The following MALRD1 variants were observed in gnomAD, a reference collection of about 807,000 sequenced individuals.
The protein encoded by MALRD1 is MAM and LDL-receptor class A domain-containing protein 1.
MALRD1 carries 247 observed loss-of-function variants against 242.1 expected under a neutral mutation model. The ratio of observed to expected loss-of-function variants is 1.02; its 90% CI spans 0.92 to 1.13. The LOEUF is 1.13. Among genes scored for constraint, MALRD1 ranks in the 50% most tolerant of loss-of-function variants. The pLI is 0.00. For synonymous variants in MALRD1, 995 were observed against 866.6 expected (o/e 1.15, Z -2.60); for missense variants, 2,989 against 2,533.1 (o/e 1.18, Z -3.86).
At chr10:19,087,659 G>C (rs986016837) in intron 2 of MALRD1, among the ~76,000 whole-genome samples, 181 bp from the exon 3 acceptor site, 3 of 151,364 alleles carry the variant, frequency 2.0e-5, no homozygotes, top group Non-Finnish European at 4.4e-5. Flanking sequence ...TGGAGAATGG[G>C]GTATCCATCC....
At chr10:19,386,273 T>TC (rs971178614) in intron 26 of MALRD1, among the ~76,000 whole-genome samples, 5 of 152,070 alleles carry the variant, frequency 3.3e-5, no homozygotes, top group African/African-American at 1.2e-4. Context: ...CTGAACTTCA[T>TC]CCCCTACCTC....
chr10:19,353,125 G>C (rs1288750599), intron 26 of MALRD1, among the ~76,000 whole-genome samples: 1 of 151,856 alleles, frequency 6.6e-6, no homozygotes, highest in Admixed American at 6.6e-5. Context: ...TCCCGCCTCA[G>C]CCTCCTGAAT....
intron 36 of MALRD1, among the ~76,000 whole-genome samples, chr10:19,617,564 T>A (rs1839216345): frequency 6.6e-6 from 1 of 151,982 alleles, no homozygotes; most frequent in Non-Finnish European, 1.5e-5. Context: ...AATTACGTAC[T>A]AAAAAAGTAA....
At chr10:19,560,049 A>G (rs533891128) in intron 32 of MALRD1, among the ~76,000 whole-genome samples, 1 of 152,234 alleles carries the variant, frequency 6.6e-6, no homozygotes, top group Non-Finnish European at 1.5e-5. Flanking sequence ...AGGAGTGTAA[A>G]TTAGTTCAAC....
chr10:19,123,512 G>A lies in MALRD1; in HGVS notation c.715G>A (p.Glu239Lys). Reference sequence around the variant, plus strand: ...AACAGATGGAATTTTACTGTGTCAAGAAGCATTGAATGCTGAGCGGGAGCT... The same window carrying A: ...AACAGATGGAATTTTACTGTGTCAAAAAGCATTGAATGCTGAGCGGGAGCT... ...PANDGILLCQ[E>K]ALNAERELCH... Residue 239 changes from glutamate (E) to lysine (K), a missense_variant, in exon 6 of 40, where the codon GAA (glutamate) becomes AAA (lysine). By Grantham distance (56) the Glu-to-Lys change is moderately conservative. Transcript: ENST00000454679. The A allele has an allele frequency of 1.6e-6, 2 of 1,233,576 alleles. No individual in the cohort carries two copies. The highest frequency in any genetic ancestry group is 2.0e-6 in the Non-Finnish European group (2 of 987,850). The allele number at this position is 1,233,576 out of a possible 1,614,324, so 76.4% of individuals were successfully genotyped here. A position where few individuals can be genotyped will look rare whatever the true frequency, so the allele number is the denominator to read the frequency against.
At chr10:19,647,777 A>G (rs2131696738) in intron 36 of MALRD1, among the ~76,000 whole-genome samples, 1 of 152,306 alleles carries the variant, frequency 6.6e-6, no homozygotes, top group Non-Finnish European at 1.5e-5. Flanking sequence ...TTTTGTTTCC[A>G]GCTATTGTGG....
intron 36 of MALRD1, among the ~76,000 whole-genome samples, chr10:19,657,482 C>T (rs1056212583): frequency 7.2e-5 from 11 of 152,036 alleles, no homozygotes; most frequent in African/African-American, 1.7e-4. Context: ...AGGAGCCCTC[C>T]CTACATACTG....
chr10:19,319,748 A>C (rs551365573), intron 21 of MALRD1, among the ~76,000 whole-genome samples: 1 of 151,880 alleles, frequency 6.6e-6, no homozygotes, highest in Non-Finnish European at 1.5e-5. Context: ...TAAGAGCACT[A>C]ATCTCATTAA....
chr10:19,593,589 C>T (rs1045044341), intron 33 of MALRD1, among the ~76,000 whole-genome samples: 2 of 152,274 alleles, frequency 1.3e-5, no homozygotes, highest in Admixed American at 6.5e-5. Context: ...ATGAGTCCCT[C>T]GTTAACTAGC....
chr10:19,201,441 C>A (rs1471804001), intron 14 of MALRD1, among the ~76,000 whole-genome samples: 20 of 152,182 alleles, frequency 1.3e-4, no homozygotes, highest in Non-Finnish European at 2.5e-4. Flanking sequence ...ATAGCAATAT[C>A]TCCCTGGATA....
chr10:19,122,561 T>G (rs545378179), intron 5 of MALRD1, among the ~76,000 whole-genome samples: 1 of 152,186 alleles, frequency 6.6e-6, no homozygotes, highest in South Asian at 2.1e-4. Context: ...TAGGTGATTG[T>G]AACAAGCTGG....
intron 36 of MALRD1, among the ~76,000 whole-genome samples, chr10:19,661,488 A>G (rs1220693564): frequency 6.6e-6 from 1 of 152,190 alleles, no homozygotes; most frequent in Non-Finnish European, 1.5e-5. Flanking sequence ...CTTTGTAGGG[A>G]CATGGATGAA....
At chr10:19,065,834 C>T (rs981398771) in intron 1 of MALRD1, among the ~76,000 whole-genome samples, 2 of 152,062 alleles carry the variant, frequency 1.3e-5, no homozygotes, top group Non-Finnish European at 2.9e-5. Flanking sequence ...AATGATGAGG[C>T]GCTGTATTTA....
In MALRD1 at chr10:19,310,702, A is replaced by C. The variant is rs929272017; in HGVS notation, c.3420-13247A>C. On this transcript the variant is annotated intron_variant, in intron 21 of 39. Coordinates refer to ENST00000454679, the MANE Select transcript of MALRD1 (RefSeq NM_001142308.3). Reference sequence around the variant, plus strand: ...GCCTACTTCTCTTATCCATGCAATTAATCCATCTGTTCTTCCAATATGACT... The same window carrying C: ...GCCTACTTCTCTTATCCATGCAATTCATCCATCTGTTCTTCCAATATGACT... 2.2e-4 allele frequency among the ~76,000 whole-genome samples: 34 copies of C among 151,478 alleles called. 1 individual carries two copies. Among genetic ancestry groups the C allele is most frequent in the Non-Finnish European group, 8.9e-5 (6 of 67,676 alleles).
rs1380830959 is a variant in MALRD1 at position 19,323,990 on chromosome 10, A to G, written c.3461A>G (p.Asn1154Ser). 13 of 1,550,712 alleles carry G rather than the reference A, an allele frequency of 8.4e-6. No homozygotes were observed. The African/African-American group carries it at 1.1e-4, about 13-fold the overall frequency. The stretch of plus-strand genomic sequence containing the variant: ...TGGTACCTGTATGCTGACAGTTCTA[A>G]TGGGAAATTTGGTGACACGGCTGAC... ...DGWYLYADSS[N>S]GKFGDTADIL... The change falls in exon 22 of 40, where the codon AAT becomes AGT. Residue 1154 changes from asparagine to serine, a missense_variant. Physicochemically the swap from Asn to Ser is conservative, Grantham distance 46. Transcript: ENST00000454679.
At chr10:19,412,297 A>G (rs1243093956) in intron 28 of MALRD1, among the ~76,000 whole-genome samples, 3 of 152,244 alleles carry the variant, frequency 2.0e-5, no homozygotes, top group Admixed American at 2.0e-4. Flanking sequence ...TCTCAAATAC[A>G]TAAATACAAG....
intron 29 of MALRD1, among the ~76,000 whole-genome samples, chr10:19,487,668 A>T (rs1246776635): frequency 6.6e-6 from 1 of 152,146 alleles, no homozygotes; most frequent in Non-Finnish European, 1.5e-5. Context: ...ATATGGAAAA[A>T]ATGTCCACAT....
At chr10:19,152,177 C>T (rs982308381) in intron 11 of MALRD1, among the ~76,000 whole-genome samples, 5 of 152,106 alleles carry the variant, frequency 3.3e-5, no homozygotes, top group Non-Finnish European at 5.9e-5. Flanking sequence ...CAGAAGTAAA[C>T]TCCTTGCCAT....
intron 12 of MALRD1, among the ~76,000 whole-genome samples, chr10:19,165,427 C>T (rs35065389): frequency 0.19 from 28,578 of 151,010 alleles, 3,031 homozygotes; most frequent in Admixed American, 0.27. Flanking sequence ...CTCAGCCTTC[C>T]GAATAGCTGG....
Sources: allele counts gnomAD v4.1 joint callset (sites outside exome capture counted in the v4.1 genomes callset), GRCh38; gene constraint gnomAD v4.1.1; transcripts MANE v1.5; gene names NCBI Gene and HGNC (gene_info 2026-07-23, HGNC 2026-07-21).